Variants in CDH13 observed in about 807,000 individuals in gnomAD.
CDH13 encodes cadherin 13.
CDH13 carries 24 observed loss-of-function variants against 63.8 expected under a neutral mutation model. That is an observed-to-expected ratio of 0.38 (90% CI 0.27 to 0.53). The LOEUF (loss-of-function observed/expected upper bound fraction) is 0.53, where lower values mean the gene tolerates loss of function less well. Among genes scored for constraint, CDH13 ranks in the 20% least tolerant of loss-of-function variants. CDH13 has a pLI of 0.85. For synonymous variants in CDH13, 503 were observed against 355.3 expected (o/e 1.42, Z -4.67); for missense variants, 1,049 against 903.1 (o/e 1.16, Z -2.07).
chr16:83,539,262 G>A (rs989245387), intron 7 of CDH13, among the ~76,000 whole-genome samples: 2 of 152,082 alleles, frequency 1.3e-5, no homozygotes, highest in African/African-American at 4.8e-5. Context: ...TAAGGAACAT[G>A]CAACCTAGAT....
At chr16:82,649,087 T>TATAG (rs112864830) in intron 1 of CDH13, among the ~76,000 whole-genome samples, 3 of 151,836 alleles carry the variant, frequency 2.0e-5, no homozygotes, top group African/African-American at 7.3e-5. Context: ...TAAATATAGT[T>TATAG]AGAGAGTGAG....
chr16:83,252,105 T>TACACACAC (rs1567539990), intron 5 of CDH13, among the ~76,000 whole-genome samples: 1 of 5,478 alleles, frequency 1.8e-4, no homozygotes, highest in Non-Finnish European at 4.7e-4. Context: ...ATATATATAT[T>TACACACAC]ATACACACAC....
chr16:82,690,289 A>G (rs1915520319), intron 1 of CDH13, among the ~76,000 whole-genome samples: 2 of 152,094 alleles, frequency 1.3e-5, no homozygotes, highest in Admixed American at 1.3e-4. Context: ...TGTGTAGACT[A>G]CCAGAAAGCT....
chr16:82,790,156 G>A (rs2036225943), intron 1 of CDH13, among the ~76,000 whole-genome samples: 1 of 152,068 alleles, frequency 6.6e-6, no homozygotes, highest in South Asian at 2.1e-4. Context: ...CTAATTATAG[G>A]CCAGGCGCGG....
At chr16:83,229,419 C>T (rs755910444) in intron 5 of CDH13, among the ~76,000 whole-genome samples, 3 of 152,088 alleles carry the variant, frequency 2.0e-5, no homozygotes, top group Non-Finnish European at 4.4e-5. Context: ...TATGCACTGA[C>T]TCGTTCTCCC....
chr16:82,674,562 A>G (rs547924753), intron 1 of CDH13, among the ~76,000 whole-genome samples: 2 of 152,352 alleles, frequency 1.3e-5, no homozygotes, highest in South Asian at 2.1e-4. Context: ...TTCTTAATTC[A>G]TCACCTGAGA....
At chr16:82,683,103 C>G (rs16958238) in intron 1 of CDH13, among the ~76,000 whole-genome samples, 22 of 152,186 alleles carry the variant, frequency 1.4e-4, no homozygotes, top group Admixed American at 5.2e-4. Flanking sequence ...ATAGCAGAAA[C>G]AGTCATCAGT....
intron 1 of CDH13, among the ~76,000 whole-genome samples, chr16:82,752,075 A>G (rs2034439424): frequency 6.6e-6 from 1 of 152,262 alleles, no homozygotes. Flanking sequence ...TGAAATTAAC[A>G]GAATATCCCC....
At chr16:83,067,904 C>G (rs191598391) in intron 3 of CDH13, among the ~76,000 whole-genome samples, 2 of 152,164 alleles carry the variant, frequency 1.3e-5, no homozygotes, top group Non-Finnish European at 2.9e-5. Context: ...CTGCTCTGGC[C>G]AAAAAGTTTG....
intron 3 of CDH13, among the ~76,000 whole-genome samples, chr16:83,053,052 A>G (rs913361645): frequency 6.6e-6 from 1 of 152,122 alleles, no homozygotes; most frequent in Non-Finnish European, 1.5e-5. Context: ...TGTTGGTGAA[A>G]TGGGAATAAA....
intron 7 of CDH13, among the ~76,000 whole-genome samples, chr16:83,490,108 G>C (rs1239902861): frequency 6.6e-6 from 1 of 151,804 alleles, no homozygotes; most frequent in Non-Finnish European, 1.5e-5. Context: ...TGTGTTTCCT[G>C]GCTTGTTGGG....
chr16:82,977,026 G>A (rs1015842578), intron 2 of CDH13, among the ~76,000 whole-genome samples: 17 of 152,104 alleles, frequency 1.1e-4, no homozygotes, highest in African/African-American at 2.9e-4. Flanking sequence ...CTAGGAAAAC[G>A]AAAACAAAAG....
chr16:83,573,102 T>C (rs1347944940), intron 7 of CDH13, among the ~76,000 whole-genome samples: 1 of 152,186 alleles, frequency 6.6e-6, no homozygotes, highest in African/African-American at 2.4e-5. Flanking sequence ...TTTATGACTG[T>C]GCACAATGCA....
chr16:82,828,011 C>G (rs1375805323), intron 1 of CDH13, among the ~76,000 whole-genome samples: 4 of 152,106 alleles, frequency 2.6e-5, no homozygotes, highest in Non-Finnish European at 5.9e-5. Flanking sequence ...CTCCGGGAAA[C>G]CTCTCAGTTC....
At chr16:83,424,746 A>G (rs1244882183) in intron 6 of CDH13, among the ~76,000 whole-genome samples, 2 of 152,136 alleles carry the variant, frequency 1.3e-5, no homozygotes, top group Admixed American at 6.5e-5. Context: ...TTCTCTCTCG[A>G]CTGTAGTTAT....
At chr16:83,123,927 C>T (rs563111930) in intron 3 of CDH13, among the ~76,000 whole-genome samples, 2 of 152,100 alleles carry the variant, frequency 1.3e-5, no homozygotes, top group Non-Finnish European at 1.5e-5. Flanking sequence ...ATCGCATTGT[C>T]GTTTCAATTT....
chr16:82,789,593 C>A lies in CDH13; in HGVS notation c.46-68769C>A, dbSNP rs183069569. Among the ~76,000 whole-genome samples, 3 of 152,298 alleles carry A rather than the reference C, an allele frequency of 2.0e-5. No individual in the cohort carries two copies. In the East Asian group the frequency reaches 5.8e-4, roughly 29 times the overall value. ...ATTCTGGGCTGCACAAGGATAGAAA[C>A]AAATGGGAGGTCCATTGGGCAGGAC... On this transcript the variant is annotated intron_variant, in intron 1 of 13. Transcript: ENST00000567109.
intron 2 of CDH13, among the ~76,000 whole-genome samples, 180 bp from the exon 3 acceptor site, chr16:83,031,830 T>TGAAGTCCATCAGC (rs1916381746): frequency 6.6e-6 from 1 of 152,132 alleles, no homozygotes; most frequent in Non-Finnish European, 1.5e-5. Context: ...CTTGATTGAG[T>TGAAGTCCATCAGC]GAAGTCCATC....
chr16:83,564,307 A>G (rs1051009598), intron 7 of CDH13, among the ~76,000 whole-genome samples: 3 of 151,556 alleles, frequency 2.0e-5, no homozygotes, highest in African/African-American at 7.3e-5. Flanking sequence ...TGGGTAAGTG[A>G]GGTGACAATA....
Sources: allele counts gnomAD v4.1 joint callset (sites outside exome capture counted in the v4.1 genomes callset), GRCh38; gene constraint gnomAD v4.1.1; transcripts MANE v1.5; gene names NCBI Gene and HGNC (gene_info 2026-07-23, HGNC 2026-07-21).